DCDC2: variants seen among roughly 807,000 people sequenced by gnomAD.
The protein encoded by DCDC2 is doublecortin domain containing 2.
Under a neutral mutation model 50.2 loss-of-function variants are expected in DCDC2, and 40 were observed. The observed-to-expected ratio is 0.80, with a 90% CI of 0.62 to 1.04. The LOEUF is 1.04. DCDC2 is among the 50% of genes least tolerant of loss of function. The pLI is 0.00. For synonymous variants in DCDC2, 234 were observed against 210.6 expected (o/e 1.11, Z -0.96); for missense variants, 570 against 581.9 (o/e 0.98, Z 0.21).
chr6:24,311,867 A>G lies in DCDC2; in HGVS notation c.349-9823T>C, dbSNP rs141650383. Among the ~76,000 whole-genome samples, 577 of 152,288 alleles carry G rather than the reference A, an allele frequency of 3.8e-3. 4 individuals are homozygous for G. Among genetic ancestry groups the G allele is most frequent in the African/African-American group, 0.013 (544 of 41,558 alleles). On this transcript the variant is annotated intron_variant, in intron 2 of 9. Transcript: ENST00000378454. The stretch of plus-strand genomic sequence containing the variant: ...TTCTTCACATGAGGCTAACAGTACA[A>G]TTTATGTACAACCTGATGTCAGGCC...
intron 7 of DCDC2, among the ~76,000 whole-genome samples, chr6:24,268,203 T>C (rs1441266596): frequency 6.6e-6 from 1 of 152,078 alleles, no homozygotes; most frequent in Non-Finnish European, 1.5e-5. Flanking sequence ...GTACATGAAA[T>C]TGGCCAGGCG....
intron 7 of DCDC2, among the ~76,000 whole-genome samples, chr6:24,248,943 C>T (rs1224741482): frequency 6.6e-6 from 1 of 152,130 alleles, no homozygotes; most frequent in Non-Finnish European, 1.5e-5. Context: ...ATTACCAATG[C>T]CCCATCCATC....
At chr6:24,215,775 G>A (rs1172923199) in intron 7 of DCDC2, among the ~76,000 whole-genome samples, 1 of 152,210 alleles carries the variant, frequency 6.6e-6, no homozygotes, top group East Asian at 1.9e-4. Context: ...CGGCTGAGGG[G>A]GCGGCACTGC....
chr6:24,226,765 T>C (rs1762242132), intron 7 of DCDC2, among the ~76,000 whole-genome samples: 1 of 152,180 alleles, frequency 6.6e-6, no homozygotes, highest in Admixed American at 6.5e-5. Flanking sequence ...AACAGTATCC[T>C]GTGGGAGGTA....
intron 2 of DCDC2, among the ~76,000 whole-genome samples, chr6:24,349,388 A>G (rs559388278): frequency 5.3e-5 from 8 of 152,338 alleles, no homozygotes; most frequent in South Asian, 2.1e-4. Context: ...TAGGCATTCA[A>G]TAACATGGAA....
At chr6:24,189,249 G>A (rs552449231) in intron 8 of DCDC2, among the ~76,000 whole-genome samples, 1 of 152,292 alleles carries the variant, frequency 6.6e-6, no homozygotes, top group Non-Finnish European at 1.5e-5. Context: ...TAGCAGGGAT[G>A]GGGCTCAGGG....
chr6:24,259,860 C>G (rs1435637245), intron 7 of DCDC2, among the ~76,000 whole-genome samples: 2 of 152,108 alleles, frequency 1.3e-5, no homozygotes, highest in African/African-American at 4.8e-5. Context: ...TTCTGAGTCT[C>G]CAACTCAGTA....
chr6:24,374,268 A>G, the DCDC2 span, among the ~76,000 whole-genome samples: 1 of 151,978 alleles, frequency 6.6e-6, no homozygotes, highest in African/African-American at 2.4e-5. Context: ...TGGGAGCAAT[A>G]ACAACAATTG....
chr6:24,271,546 T>C (rs1763239344), intron 7 of DCDC2, among the ~76,000 whole-genome samples: 2 of 152,208 alleles, frequency 1.3e-5, no homozygotes, highest in South Asian at 2.1e-4. Flanking sequence ...CCTCCAGCTC[T>C]GCATTCCTCT....
chr6:24,241,785 T>C (rs1468553805), intron 7 of DCDC2, among the ~76,000 whole-genome samples: 1 of 152,258 alleles, frequency 6.6e-6, no homozygotes, highest in African/African-American at 2.4e-5. Flanking sequence ...ATATTTTAAT[T>C]GTTTATCCCT....
intron 2 of DCDC2, among the ~76,000 whole-genome samples, chr6:24,327,237 T>C (rs1759886308): frequency 6.7e-6 from 1 of 149,522 alleles, no homozygotes; most frequent in Admixed American, 6.7e-5. Flanking sequence ...CCACCCAGCT[T>C]AGGACTTTTG....
intron 8 of DCDC2, among the ~76,000 whole-genome samples, chr6:24,193,774 T>C (rs922620802): frequency 9.2e-5 from 14 of 152,116 alleles, no homozygotes; most frequent in Admixed American, 4.6e-4. Flanking sequence ...GGCCCTATTT[T>C]TGATAGGGGG....
intron 2 of DCDC2, among the ~76,000 whole-genome samples, chr6:24,331,152 G>A (rs1413962908): frequency 3.3e-5 from 5 of 152,152 alleles, no homozygotes; most frequent in South Asian, 2.1e-4. Flanking sequence ...ACTGGAAGAC[G>A]GGAAGAGAAT....
chr6:24,291,571 C>T (rs913626403), intron 4 of DCDC2, among the ~76,000 whole-genome samples: 58 of 149,244 alleles, frequency 3.9e-4, no homozygotes, highest in African/African-American at 1.4e-3. Context: ...CTGCAAGCTC[C>T]GCCTCCCGGG....
chr6:24,375,159 C>T, the DCDC2 span, among the ~76,000 whole-genome samples: 256 of 152,326 alleles, frequency 1.7e-3, no homozygotes, highest in Middle Eastern at 3.4e-3. Context: ...CACCCTCTCC[C>T]CTGCTGTGAT....
intron 2 of DCDC2, among the ~76,000 whole-genome samples, chr6:24,321,632 C>T (rs1309038117): frequency 6.6e-6 from 1 of 152,112 alleles, no homozygotes; most frequent in Non-Finnish European, 1.5e-5. Context: ...CTACTTAGGC[C>T]TTTTGTCAAC....
chr6:24,326,801 G>A (rs1431949635), intron 2 of DCDC2, among the ~76,000 whole-genome samples: 4 of 147,436 alleles, frequency 2.7e-5, no homozygotes, highest in Non-Finnish European at 6.0e-5. Context: ...CGAGGCTGAA[G>A]TGAGCCTTGA....
At chr6:24,366,649 A>G in the DCDC2 span, among the ~76,000 whole-genome samples, 1 of 152,202 alleles carries the variant, frequency 6.6e-6, no homozygotes, top group East Asian at 1.9e-4. Context: ...GGAGCGTTGA[A>G]CAGCTGCTGT....
At chr6:24,181,034 A>G (rs572132813) in intron 8 of DCDC2, among the ~76,000 whole-genome samples, 2 of 152,320 alleles carry the variant, frequency 1.3e-5, no homozygotes, top group South Asian at 4.1e-4. Flanking sequence ...AAAAACCACA[A>G]TGTTTGTCAT....
Sources: allele counts gnomAD v4.1 joint callset (sites outside exome capture counted in the v4.1 genomes callset), GRCh38; gene constraint gnomAD v4.1.1; transcripts MANE v1.5; gene names NCBI Gene and HGNC (gene_info 2026-07-23, HGNC 2026-07-21).